Variants in SHOX2 observed in about 807,000 individuals in gnomAD.
SHOX2 encodes SHOX homeobox 2.
In SHOX2, 13 loss-of-function variants were observed where a neutral mutation model predicts 31.3. The ratio of observed to expected loss-of-function variants is 0.42; its 90% CI spans 0.27 to 0.66. The LOEUF (loss-of-function observed/expected upper bound fraction) is 0.66. SHOX2 is among the 30% of genes least tolerant of loss of function. The pLI, the probability that SHOX2 is intolerant of heterozygous loss-of-function variation, is 0.27. For missense variants in SHOX2, 473 were observed against 443.0 expected (o/e 1.07, Z -0.61); for synonymous variants, 244 against 196.2 (o/e 1.24, Z -2.04).
In SHOX2 at chr3:158,102,405, AG is replaced by A. The variant is rs750948586; in HGVS notation, c.555+272del. The stretch of plus-strand genomic sequence containing the variant: ...ACCACATTAAAGCCAGTGCGAGGCA[AG>A]GGGGGTGTGGTTTATAGAAACTCTG... On this transcript the variant is annotated intron_variant, in intron 2 of 4. Coordinates refer to ENST00000483851, the MANE Select transcript of SHOX2 (RefSeq NM_001163678.2). 5.3e-5 allele frequency among the ~76,000 whole-genome samples: 8 copies of A among 151,682 alleles called. No individual in the cohort carries two copies. The East Asian group carries it at 1.4e-3, about 26-fold the overall frequency.
Position 158,097,859 on chromosome 3 carries a change from G to T in SHOX2, c.*168C>A. ...CGTGAGATCCCTGGTCCTGCGTGGAGTCTGGCTTTCCGAGTCCAAGATGCG... is the reference window on the plus strand; with the variant it reads ...CGTGAGATCCCTGGTCCTGCGTGGATTCTGGCTTTCCGAGTCCAAGATGCG... On this transcript the variant is annotated 3_prime_UTR_variant, in exon 5 of 5. Coordinates refer to ENST00000483851, the MANE Select transcript of SHOX2 (RefSeq NM_001163678.2). 2 of 879,408 alleles carry T rather than the reference G, an allele frequency of 2.3e-6. No individual in the cohort carries two copies. The highest frequency in any genetic ancestry group is 3.5e-6 in the Non-Finnish European group (2 of 569,798). 54.5% of individuals were successfully genotyped at this position (879,408 alleles called of 1,614,324 possible). A position where few individuals can be genotyped will look rare whatever the true frequency, so the allele number is the denominator to read the frequency against.
At chr3:158,100,503 A>G (rs1344731531) in intron 2 of SHOX2, among the ~76,000 whole-genome samples, 192 bp from the exon 3 acceptor site, 1 of 152,216 alleles carries the variant, frequency 6.6e-6, no homozygotes, top group Non-Finnish European at 1.5e-5. Flanking sequence ...AGAAATAGAA[A>G]GATAGATTTT....
At chr3:158,105,573 C>T (rs1015426275) in intron 1 of SHOX2, 106 bp downstream of exon 1, 1 of 1,048,970 alleles carries the variant, frequency 9.5e-7, no homozygotes, top group Non-Finnish European at 1.4e-6. Flanking sequence ...AGGGCCCTCT[C>T]CGTGTCCCTC....
chr3:158,105,773 G>GCCTGCTCCTCCTCCTCCTACACCT lies in SHOX2; in HGVS notation c.228_251dup (p.Val78_Gly85dup). On this transcript the variant is annotated inframe_insertion, in exon 1 of 5. Coordinates refer to ENST00000483851, the MANE Select transcript of SHOX2 (RefSeq NM_001163678.2). ...GAGAGCGCCCTCCTCCAGCTCCTCC[G>GCCTGCTCCTCCTCCTCCTACACCT]CCTGCTCCTCCTCCTCCTACACCTC... 6.6e-7 allele frequency: 1 copy of GCCTGCTCCTCCTCCTCCTACACCT among 1,517,754 alleles called. No individual in the cohort carries two copies. Among genetic ancestry groups the GCCTGCTCCTCCTCCTCCTACACCT allele is most frequent in the Non-Finnish European group, 8.8e-7 (1 of 1,134,074 alleles). The allele number at this position is 1,517,754 out of a possible 1,614,324, so 94.0% of individuals were successfully genotyped here.
intron 1 of SHOX2, chr3:158,105,347 C>A (rs999148086): frequency 1.2e-5 from 7 of 593,428 alleles, no homozygotes; most frequent in African/African-American, 3.7e-5. Context: ...CCGCGAACTT[C>A]CACGTCCGCC....
intron 1 of SHOX2, chr3:158,104,946 A>C: frequency 5.7e-6 from 4 of 703,074 alleles, no homozygotes; most frequent in Non-Finnish European, 1.0e-5. Flanking sequence ...CTAGCACCAA[A>C]GGATTTTTGC....
At position 158,097,998 on chromosome 3, in the gene SHOX2, C is replaced by A; in HGVS notation, c.*29G>T. 2 of 1,563,304 alleles carry A rather than the reference C, an allele frequency of 1.3e-6. No homozygotes were observed. The highest frequency in any genetic ancestry group is 1.7e-6 in the Non-Finnish European group (2 of 1,153,350). Reference sequence around the variant, plus strand: ...GGCGTGCAGGCTGAGTGCCGCGGGACAGGCGCGACATTGGTGCTGGCGTTG... The same window carrying A: ...GGCGTGCAGGCTGAGTGCCGCGGGAAAGGCGCGACATTGGTGCTGGCGTTG... On this transcript the variant is annotated 3_prime_UTR_variant, in exon 5 of 5. Transcript: ENST00000483851.
At chr3:158,104,338 AGACCTGGTGCTGGTTTG>A (rs1315730415) in intron 1 of SHOX2, among the ~76,000 whole-genome samples, 2 of 152,254 alleles carry the variant, frequency 1.3e-5, no homozygotes, top group Non-Finnish European at 2.9e-5. Context: ...AAATTTAGGA[AGACCTGGTGCTGGTTTG>A]GAGGAAGAAG....
In SHOX2 at chr3:158,096,692, G is replaced by C. The variant is rs934708630; in HGVS notation, c.*1335C>G. 6.6e-6 allele frequency: 1 copy of C among 152,222 alleles called. No homozygotes were observed. The highest frequency in any genetic ancestry group is 1.5e-5 in the Non-Finnish European group (1 of 67,970). The allele number at this position is 152,222 out of a possible 1,614,324, so 9.4% of individuals were successfully genotyped here. On this transcript the variant is annotated 3_prime_UTR_variant, in exon 5 of 5. Transcript: ENST00000483851. ...GAAGGAACACAAGAAAAGGGGAATG[G>C]TGGGAACTAATACTGATTGAGCGCC...
chr3:158,106,307 A>G lies in SHOX2; in HGVS notation c.-283T>C. ...AGAGGGAGGAGGAGGAGGAGAAGAG[A>G]AGGGGCGGGGGCTGCCGGAGGGAAA... On this transcript the variant is annotated 5_prime_UTR_variant, in exon 1 of 5. Transcript: ENST00000483851. The G allele has an allele frequency of 2.4e-6, 1 of 415,544 alleles. No individual in the cohort carries two copies. The highest frequency in any genetic ancestry group is 2.5e-5 in the South Asian group (1 of 40,338). 25.7% of individuals were successfully genotyped at this position (415,544 alleles called of 1,614,324 possible). A position where few individuals can be genotyped will look rare whatever the true frequency, so the allele number is the denominator to read the frequency against.
intron 1 of SHOX2, chr3:158,103,929 C>G (rs896864962): frequency 1.3e-5 from 2 of 152,282 alleles, no homozygotes; most frequent in African/African-American, 4.8e-5. Flanking sequence ...TCCTGTCCTT[C>G]TCCTCCCTTT....
Position 158,095,914 on chromosome 3 carries a change from A to G in SHOX2, c.*2113T>C, listed in dbSNP as rs779686510. On this transcript the variant is annotated 3_prime_UTR_variant, in exon 5 of 5. Coordinates refer to ENST00000483851, the MANE Select transcript of SHOX2 (RefSeq NM_001163678.2). ...AAGAGCAGAGGCAAGCGCTTTTCCAAGTTGGTATATTCGAGAGAGTGATAC... is the reference window on the plus strand; with the variant it reads ...AAGAGCAGAGGCAAGCGCTTTTCCAGGTTGGTATATTCGAGAGAGTGATAC... The G allele has an allele frequency of 6.6e-6, 1 of 152,374 alleles. No homozygotes were observed. Among genetic ancestry groups the G allele is most frequent in the Non-Finnish European group, 1.5e-5 (1 of 68,050 alleles). 9.4% of individuals were successfully genotyped at this position (152,374 alleles called of 1,614,324 possible).
chr3:158,102,780 T>C lies in SHOX2; in HGVS notation c.453A>G (p.Gln151=), dbSNP rs142514816. The change falls in exon 2 of 5, where the codon CAA becomes CAG. Residue 151 remains glutamine, a synonymous_variant. Coordinates refer to ENST00000483851, the MANE Select transcript of SHOX2 (RefSeq NM_001163678.2). The part of the protein sequence containing the change: ...RRSRTNFTLE[Q]LNELERLFDE... Reference sequence around the variant, plus strand: ...CAAAAAGCCTCTCCAGCTCATTGAGTTGTTCCAGGGTGAAATTGGTCCGAC... The same window carrying C: ...CAAAAAGCCTCTCCAGCTCATTGAGCTGTTCCAGGGTGAAATTGGTCCGAC... 239 of 1,613,972 alleles carry C rather than the reference T, an allele frequency of 1.5e-4. No individual in the cohort carries two copies. The African/African-American group carries it at 2.9e-3, about 20-fold the overall frequency.
chr3:158,097,914 G>T lies in SHOX2; in HGVS notation c.*113C>A. ...GGGACGAGGGATGGTCAGTGAGGCG[G>T]GAAGAGGGCCGGCTCCCGAGGTCTC... On this transcript the variant is annotated 3_prime_UTR_variant, in exon 5 of 5. Coordinates refer to ENST00000483851, the MANE Select transcript of SHOX2 (RefSeq NM_001163678.2). 1 of 1,347,478 alleles carries T rather than the reference G, an allele frequency of 7.4e-7. No homozygotes were observed. The highest frequency in any genetic ancestry group is 1.0e-6 in the Non-Finnish European group (1 of 991,486). 83.5% of individuals were successfully genotyped at this position (1,347,478 alleles called of 1,614,324 possible).
intron 4 of SHOX2, 67 bp downstream of exon 4, chr3:158,099,793 C>T: frequency 8.5e-7 from 1 of 1,179,044 alleles, no homozygotes; most frequent in Non-Finnish European, 1.3e-6. Context: ...AGGTGATGTT[C>T]AACAGTTCAA....
intron 4 of SHOX2, 75 bp from the exon 5 acceptor site, chr3:158,098,359 G>C (rs1713272397): frequency 6.5e-7 from 1 of 1,550,170 alleles, no homozygotes; most frequent in East Asian, 2.3e-5. Flanking sequence ...CATTAACGGC[G>C]TCCAGCTTGG....
At chr3:158,104,493 C>T (rs1174467967) in intron 1 of SHOX2, among the ~76,000 whole-genome samples, 1 of 152,216 alleles carries the variant, frequency 6.6e-6, no homozygotes, top group Non-Finnish European at 1.5e-5. Context: ...TTATAGTAAA[C>T]ATTATGGGCC....
chr3:158,098,245 C>T lies in SHOX2; in HGVS notation c.742G>A (p.Ala248Thr). 3 of 1,613,862 alleles carry T rather than the reference C, an allele frequency of 1.9e-6. No homozygotes were observed. The highest frequency in any genetic ancestry group is 1.7e-5 in the Admixed American group (1 of 60,010). The change falls in exon 5 of 5, where the codon GCG (alanine) becomes ACG (threonine). Residue 248 changes from alanine to threonine, a missense_variant. Physicochemically the swap from Ala to Thr is moderately conservative, Grantham distance 58 (BLOSUM62 0). Transcript: ENST00000483851. Reference protein sequence around the residue: ...QLQLDSAVAHAHHHLHPHLAA... With the variant: ...QLQLDSAVAHTHHHLHPHLAA... Reference sequence around the variant, plus strand: ...AGGTGCGGATGCAGGTGGTGGTGCGCGTGCGCCACAGCGCTGTCCAGCTGC... The same window carrying T: ...AGGTGCGGATGCAGGTGGTGGTGCGTGTGCGCCACAGCGCTGTCCAGCTGC...
chr3:158,104,349 T>C (rs887274713), intron 1 of SHOX2, among the ~76,000 whole-genome samples: 2 of 152,236 alleles, frequency 1.3e-5, no homozygotes, highest in East Asian at 3.9e-4. Context: ...GACCTGGTGC[T>C]GGTTTGGAGG....
Sources: allele counts gnomAD v4.1 joint callset (sites outside exome capture counted in the v4.1 genomes callset), GRCh38; gene constraint gnomAD v4.1.1; transcripts MANE v1.5; gene names NCBI Gene and HGNC (gene_info 2026-07-23, HGNC 2026-07-21).